Variants in TTC23 observed in about 807,000 individuals in gnomAD.
The protein encoded by TTC23 is tetratricopeptide repeat protein 23.
A neutral mutation model predicts 55.1 loss-of-function variants in TTC23; 58 were observed. The observed-to-expected ratio is 1.05, with a 90% CI of 0.85 to 1.31. The LOEUF (loss-of-function observed/expected upper bound fraction) is 1.31, where lower values mean the gene tolerates loss of function less well. TTC23 is among the 50% of genes most tolerant of loss of function. The pLI is 0.00. For synonymous variants in TTC23, 203 were observed against 199.9 expected (o/e 1.02, Z -0.13); for missense variants, 516 against 534.4 (o/e 0.97, Z 0.34).
chr15:99,222,050 C>T (rs146225222), intron 5 of TTC23, among the ~76,000 whole-genome samples, 186 bp from the exon 6 acceptor site: 17 of 152,068 alleles, frequency 1.1e-4, no homozygotes, highest in African/African-American at 3.4e-4. Context: ...GTAGCATGTA[C>T]ATCTGGTAAG....
chr15:99,217,097 T>C (rs1567511452), intron 8 of TTC23, among the ~76,000 whole-genome samples: 1 of 151,846 alleles, frequency 6.6e-6, no homozygotes, highest in Non-Finnish European at 1.5e-5. Context: ...ACGTGCTGAG[T>C]GGAAAAAATA....
At chr15:99,242,869 A>T (rs189610865) in intron 2 of TTC23, among the ~76,000 whole-genome samples, 11 of 152,354 alleles carry the variant, frequency 7.2e-5, no homozygotes, top group African/African-American at 2.6e-4. Context: ...TAAAGACTTA[A>T]ATATAAGACC....
chr15:99,193,227 G>A (rs995357358), intron 9 of TTC23, among the ~76,000 whole-genome samples: 1 of 152,174 alleles, frequency 6.6e-6, no homozygotes, highest in Non-Finnish European at 1.5e-5. Context: ...CTGTTGGGAA[G>A]GCATGATTGG....
chr15:99,161,522 G>T (rs1045697072), intron 11 of TTC23, among the ~76,000 whole-genome samples: 4 of 152,136 alleles, frequency 2.6e-5, no homozygotes, highest in Admixed American at 2.0e-4. Flanking sequence ...TTGTAGGTGG[G>T]CATGACAATC....
Position 99,175,167 on chromosome 15 carries a change from G to T in TTC23, c.760-12C>A. 6.2e-7 allele frequency: 1 copy of T among 1,601,024 alleles called. No homozygotes were observed. The highest frequency in any genetic ancestry group is 8.5e-7 in the Non-Finnish European group (1 of 1,173,154). The stretch of plus-strand genomic sequence containing the variant: ...ATGATAAGATGTGCCTGTCACCACA[G>T]AAAGAAGAAACATGTTGTTTACATA... On this transcript the variant is annotated splice_polypyrimidine_tract_variant and intron_variant, in intron 9 of 13. Coordinates refer to ENST00000394132, the MANE Select transcript of TTC23 (RefSeq NM_001288615.3).
At chr15:99,143,863 C>G (rs2068520310) in intron 12 of TTC23, among the ~76,000 whole-genome samples, 1 of 152,214 alleles carries the variant, frequency 6.6e-6, no homozygotes, top group African/African-American at 2.4e-5. Context: ...CAAGCCGATG[C>G]AGCAGTTGCT....
intron 9 of TTC23, among the ~76,000 whole-genome samples, chr15:99,193,510 G>A (rs1596539474): frequency 6.6e-6 from 1 of 152,230 alleles, no homozygotes; most frequent in East Asian, 1.9e-4. Flanking sequence ...GACATGACTT[G>A]CTCCTCCTTG....
At chr15:99,245,600 T>G (rs1394624701) in intron 1 of TTC23, 90 bp from the exon 2 acceptor site, 1 of 152,088 alleles carries the variant, frequency 6.6e-6, no homozygotes, top group African/African-American at 2.4e-5. Context: ...TGAATTATTT[T>G]TTTTAACAAG....
intron 8 of TTC23, 71 bp downstream of exon 8, chr15:99,218,513 TCCTA>T: frequency 6.3e-7 from 1 of 1,593,872 alleles, no homozygotes; most frequent in Non-Finnish European, 8.6e-7. Flanking sequence ...GAGATGCTCC[TCCTA>T]CCTGAGACAG....
intron 5 of TTC23, 93 bp from the exon 6 acceptor site, chr15:99,221,957 T>C: frequency 1.4e-6 from 2 of 1,414,314 alleles, no homozygotes; most frequent in Non-Finnish European, 1.9e-6. Flanking sequence ...TGATAAATAC[T>C]GAGTGACTAC....
chr15:99,160,663 A>ATATG (rs898558030), intron 11 of TTC23: 9 of 152,252 alleles, frequency 5.9e-5, no homozygotes, highest in African/African-American at 2.2e-4. Flanking sequence ...GAGTGTGTAT[A>ATATG]TATGTATGTA....
chr15:99,234,473 C>T (rs2079156183), intron 4 of TTC23, among the ~76,000 whole-genome samples: 1 of 152,224 alleles, frequency 6.6e-6, no homozygotes, highest in Non-Finnish European at 1.5e-5. Flanking sequence ...TGGGTTCACA[C>T]CATTGTCCTG....
At chr15:99,176,689 T>G (rs2073598818) in intron 9 of TTC23, among the ~76,000 whole-genome samples, 1 of 152,214 alleles carries the variant, frequency 6.6e-6, no homozygotes, top group South Asian at 2.1e-4. Flanking sequence ...ATTCATAAGA[T>G]GTAAGCTGCA....
chr15:99,178,186 A>G (rs1027449281), intron 9 of TTC23, among the ~76,000 whole-genome samples: 1 of 152,210 alleles, frequency 6.6e-6, no homozygotes, highest in Non-Finnish European at 1.5e-5. Flanking sequence ...GTCTCAAAAA[A>G]TAAAAAAAGA....
chr15:99,220,285 T>C (rs568637664), intron 6 of TTC23, among the ~76,000 whole-genome samples: 2 of 152,322 alleles, frequency 1.3e-5, no homozygotes, highest in South Asian at 2.1e-4. Flanking sequence ...AGGTTATGCA[T>C]GGAAAACAAC....
chr15:99,228,166 G>A (rs777138325), intron 5 of TTC23, among the ~76,000 whole-genome samples: 1 of 152,234 alleles, frequency 6.6e-6, no homozygotes, highest in African/African-American at 2.4e-5. Flanking sequence ...GAATGAGTTA[G>A]TGAATGAGTA....
At chr15:99,219,460 G>A (rs917920577) in intron 6 of TTC23, among the ~76,000 whole-genome samples, 1 of 152,094 alleles carries the variant, frequency 6.6e-6, no homozygotes, top group African/African-American at 2.4e-5. Context: ...TAAAAATTCT[G>A]AATCTTCAGC....
At chr15:99,216,973 A>T (rs1004280626) in intron 8 of TTC23, among the ~76,000 whole-genome samples, 1 of 152,210 alleles carries the variant, frequency 6.6e-6, no homozygotes, top group Non-Finnish European at 1.5e-5. Context: ...AGAGCTGGGG[A>T]CAAGCTGAAT....
In TTC23 at chr15:99,235,410, C is replaced by T. The variant is rs545248319; in HGVS notation, c.-113-330G>A. On this transcript the variant is annotated intron_variant, in intron 3 of 13. Transcript: ENST00000394132. ...TTTTTGAGACGGAGTCTTGCTCTGT[C>T]GCCAGGCTAAAGTGCAGTGGCGCGA... Among the ~76,000 whole-genome samples, 6 of 140,772 alleles carry T rather than the reference C, an allele frequency of 4.3e-5. No homozygotes were observed. The South Asian group carries it at 6.7e-4, about 16-fold the overall frequency. The allele number at this position is 140,772 out of a possible 152,430, so 92.4% of individuals were successfully genotyped here.
Sources: gnomAD v4.1 joint callset for allele counts (sites outside exome capture counted in the v4.1 genomes callset) on GRCh38, gnomAD v4.1.1 for gene constraint, MANE v1.5 for transcripts, NCBI Gene and HGNC (gene_info 2026-07-23, HGNC 2026-07-21) for gene names.